HPSE2: variants seen among roughly 807,000 people sequenced by gnomAD.
HPSE2 encodes the protein inactive heparanase-2.
Under a neutral mutation model 60.5 loss-of-function variants are expected in HPSE2, and 38 were observed. That is an observed-to-expected ratio of 0.63 (90% CI 0.48 to 0.82). HPSE2 has a LOEUF of 0.82. HPSE2 is among the 40% of genes least tolerant of loss of function. HPSE2 has a pLI of 0.00. For missense variants in HPSE2, 713 were observed against 740.4 expected (o/e 0.96, Z 0.43); for synonymous variants, 295 against 293.2 (o/e 1.01, Z -0.06).
intron 3 of HPSE2, among the ~76,000 whole-genome samples, chr10:99,053,537 CTA>C (rs1564768445): frequency 6.6e-6 from 1 of 151,996 alleles, no homozygotes. Flanking sequence ...CATGTTGGTA[CTA>C]CACCAGCCCT....
intron 3 of HPSE2, among the ~76,000 whole-genome samples, chr10:98,751,370 T>A (rs1418642745): frequency 1.3e-5 from 2 of 152,178 alleles, no homozygotes; most frequent in African/African-American, 2.4e-5. Context: ...TGAGACCAAG[T>A]GTATGCAAGT....
intron 2 of HPSE2, among the ~76,000 whole-genome samples, chr10:99,166,369 T>C (rs763174183): frequency 3.9e-5 from 6 of 152,244 alleles, no homozygotes; most frequent in Admixed American, 2.0e-4. Flanking sequence ...TTTAGCTTTA[T>C]AGGAAACTGT....
intron 9 of HPSE2, among the ~76,000 whole-genome samples, chr10:98,566,125 A>G (rs1382843964): frequency 6.6e-6 from 1 of 152,210 alleles, no homozygotes; most frequent in Non-Finnish European, 1.5e-5. Flanking sequence ...AATGTGTGAA[A>G]TACACATTCT....
At chr10:98,554,322 T>C (rs1483493009) in intron 9 of HPSE2, among the ~76,000 whole-genome samples, 1 of 152,212 alleles carries the variant, frequency 6.6e-6, no homozygotes, top group African/African-American at 2.4e-5. Context: ...TCCTCCTTTT[T>C]GGCCACTGAA....
In HPSE2 at chr10:98,977,105, G is replaced by A. The variant is rs911273600; in HGVS notation, c.610+167133C>T. ...ACCTCTGGCCTCCAGAACTGTGAGA[G>A]AGTACATTTCCATTGTTTTATATCA... On this transcript the variant is annotated intron_variant, in intron 3 of 11. Coordinates refer to ENST00000370552, the MANE Select transcript of HPSE2 (RefSeq NM_021828.5). 2.0e-5 allele frequency among the ~76,000 whole-genome samples: 3 copies of A among 152,280 alleles called. No homozygotes were observed. In the East Asian group the frequency reaches 5.8e-4, roughly 29 times the overall value.
chr10:99,117,056 T>TA (rs1021567092), intron 3 of HPSE2, among the ~76,000 whole-genome samples: 100 of 152,018 alleles, frequency 6.6e-4, no homozygotes, highest in African/African-American at 2.4e-3. Flanking sequence ...AAGCAATACA[T>TA]ACAACACAAA....
chr10:98,820,599 C>A (rs1396522668), intron 3 of HPSE2, among the ~76,000 whole-genome samples: 2 of 152,196 alleles, frequency 1.3e-5, no homozygotes, highest in African/African-American at 2.4e-5. Context: ...AGAAGGATTT[C>A]TAAGTCTTCC....
chr10:98,893,765 G>A (rs1953405123), intron 3 of HPSE2, among the ~76,000 whole-genome samples: 1 of 152,086 alleles, frequency 6.6e-6, no homozygotes, highest in African/African-American at 2.4e-5. Context: ...CTAACTGCCT[G>A]GAGACCCTGA....
At chr10:98,943,662 C>T (rs752248376) in intron 3 of HPSE2, among the ~76,000 whole-genome samples, 2 of 152,140 alleles carry the variant, frequency 1.3e-5, no homozygotes, top group Non-Finnish European at 2.9e-5. Flanking sequence ...TATACACTAG[C>T]TCTGGATAAA....
At chr10:98,492,852 C>T (rs1313195728) in intron 9 of HPSE2, among the ~76,000 whole-genome samples, 1 of 152,128 alleles carries the variant, frequency 6.6e-6, no homozygotes, top group East Asian at 1.9e-4. Context: ...CCATCTTAAC[C>T]ATTTTTAAGT....
chr10:98,609,466 T>C (rs1241644787), intron 9 of HPSE2, among the ~76,000 whole-genome samples: 1 of 152,190 alleles, frequency 6.6e-6, no homozygotes, highest in African/African-American at 2.4e-5. Context: ...TTAAAAGCAA[T>C]AATGCTGATT....
chr10:98,973,609 T>C (rs765427959), intron 3 of HPSE2, among the ~76,000 whole-genome samples: 6 of 152,174 alleles, frequency 3.9e-5, no homozygotes, highest in African/African-American at 7.2e-5. Context: ...GGCACATAAA[T>C]AGTAATTCTG....
At chr10:99,042,217 C>T (rs1435714430) in intron 3 of HPSE2, among the ~76,000 whole-genome samples, 2 of 152,122 alleles carry the variant, frequency 1.3e-5, no homozygotes, top group Non-Finnish European at 2.9e-5. Context: ...CGACAGCACA[C>T]CACGACAGCC....
rs1487707491 is a variant in HPSE2 at position 98,516,411 on chromosome 10, A to G, written c.1321-26215T>C. On this transcript the variant is annotated intron_variant, in intron 9 of 11. Coordinates refer to ENST00000370552, the MANE Select transcript of HPSE2 (RefSeq NM_021828.5). ...TTATGTAGCTAAATCTCCCTATTGC[A>G]GTTTTCTGAATCTATAAATAAAAAA... Among the ~76,000 whole-genome samples the G allele has an allele frequency of 2.0e-5, 3 of 152,220 alleles. No individual in the cohort carries two copies. The East Asian group carries it at 5.8e-4, about 29-fold the overall frequency.
At chr10:99,162,888 C>T (rs537350340) in intron 2 of HPSE2, among the ~76,000 whole-genome samples, 60 of 152,082 alleles carry the variant, frequency 3.9e-4, no homozygotes, top group Non-Finnish European at 7.1e-4. Context: ...CATAGATCTC[C>T]GAGGCATTCA....
chr10:99,266,160 G>A, the HPSE2 span, among the ~76,000 whole-genome samples: 283 of 152,282 alleles, frequency 1.9e-3, 2 homozygotes, highest in African/African-American at 6.5e-3. Flanking sequence ...AATCGCCAGC[G>A]CAGACACAGC....
chr10:98,888,246 T>G (rs1188419348), intron 3 of HPSE2, among the ~76,000 whole-genome samples: 1 of 151,966 alleles, frequency 6.6e-6, no homozygotes. Flanking sequence ...TCTTGACATA[T>G]AGTTTCCATA....
At chr10:98,586,964 T>C (rs375409322) in intron 9 of HPSE2, among the ~76,000 whole-genome samples, 6 of 152,342 alleles carry the variant, frequency 3.9e-5, no homozygotes, top group Admixed American at 3.3e-4. Context: ...TTGACCTTTG[T>C]AAACTTCCTG....
intron 9 of HPSE2, among the ~76,000 whole-genome samples, chr10:98,510,990 C>T (rs867507642): frequency 9.9e-5 from 15 of 152,274 alleles, no homozygotes; most frequent in Middle Eastern, 6.8e-3. Context: ...AATTGAAACA[C>T]ATATTCAAAT....
Sources: allele counts gnomAD v4.1 joint callset (sites outside exome capture counted in the v4.1 genomes callset), GRCh38; gene constraint gnomAD v4.1.1; transcripts MANE v1.5; gene names NCBI Gene and HGNC (gene_info 2026-07-23, HGNC 2026-07-21).